Variants in LOC400499 observed in about 807,000 individuals in gnomAD.
the LOC400499 span, among the ~76,000 whole-genome samples, chr16:11,474,014 C>A: frequency 6.6e-6 from 1 of 152,090 alleles, no homozygotes; most frequent in Non-Finnish European, 1.5e-5. Context: ...CCACCATGCC[C>A]GGCTAATTTG....
chr16:11,383,782 A>T, the LOC400499 span: 4 of 1,232,164 alleles, frequency 3.2e-6, no homozygotes, highest in Non-Finnish European at 3.0e-6. Context: ...TGTAGGGTCT[A>T]CCTGAAATCA....
At chr16:11,425,801 C>A in the LOC400499 span, among the ~76,000 whole-genome samples, 2 of 152,282 alleles carry the variant, frequency 1.3e-5, no homozygotes, top group East Asian at 1.9e-4. Context: ...CAATCTCATA[C>A]AAACTCGTTC....
chr16:11,412,603 G>A, the LOC400499 span, among the ~76,000 whole-genome samples: 1 of 152,254 alleles, frequency 6.6e-6, no homozygotes, highest in Non-Finnish European at 1.5e-5. Context: ...TTGGGGCCTT[G>A]GATGCACTTA....
the LOC400499 span, among the ~76,000 whole-genome samples, chr16:11,418,125 G>C: frequency 3.9e-5 from 6 of 152,320 alleles, no homozygotes; most frequent in African/African-American, 1.4e-4. Flanking sequence ...GAAAGACTTT[G>C]GGAAGACCAA....
chr16:11,396,066 G>A, the LOC400499 span, among the ~76,000 whole-genome samples: 17 of 152,332 alleles, frequency 1.1e-4, no homozygotes, highest in East Asian at 3.1e-3. Flanking sequence ...TACTTACGTA[G>A]TGGCTGTTTT....
the LOC400499 span, among the ~76,000 whole-genome samples, chr16:11,415,980 G>C: frequency 5.3e-4 from 79 of 149,850 alleles, no homozygotes; most frequent in Non-Finnish European, 1.0e-3. Flanking sequence ...TTTTGAGACA[G>C]AGTTTCACTC....
chr16:11,374,666 C>T, the LOC400499 span, among the ~76,000 whole-genome samples: 6 of 151,576 alleles, frequency 4.0e-5, no homozygotes, highest in Admixed American at 1.3e-4. Flanking sequence ...GAATTTCCTT[C>T]GTTTTTAAGG....
chr16:11,384,103 G>A, the LOC400499 span: 9 of 1,226,872 alleles, frequency 7.3e-6, no homozygotes, highest in Non-Finnish European at 8.1e-6. Context: ...CAAACCCTGG[G>A]CCTACGAAGT....
chr16:11,514,276 G>A, the LOC400499 span: 1 of 398,846 alleles, frequency 2.5e-6, no homozygotes, highest in South Asian at 1.3e-4. Context: ...CAGAGGAACG[G>A]AACCTGGGCC....
chr16:11,378,253 T>A, the LOC400499 span, among the ~76,000 whole-genome samples: 2 of 126,186 alleles, frequency 1.6e-5, no homozygotes, highest in South Asian at 5.1e-4. Context: ...TTTTTTTTCT[T>A]TTTTTTTTTT....
the LOC400499 span, among the ~76,000 whole-genome samples, chr16:11,386,394 C>G: frequency 1.3e-5 from 2 of 152,242 alleles, no homozygotes; most frequent in African/African-American, 4.8e-5. Flanking sequence ...GAGAAGCCCA[C>G]GGTCACACAC....
the LOC400499 span, among the ~76,000 whole-genome samples, chr16:11,393,170 T>G: frequency 6.6e-6 from 1 of 150,810 alleles, no homozygotes; most frequent in Non-Finnish European, 1.5e-5. Context: ...CCCCCTTTTT[T>G]TTAAGTAGAG....
At chr16:11,514,542 G>T in the LOC400499 span, 12 of 400,064 alleles carry the variant, frequency 3.0e-5, no homozygotes, top group Middle Eastern at 6.2e-4. Flanking sequence ...AGGCCGGGCT[G>T]CGGACCAAGA....
At chr16:11,467,855 C>T in the LOC400499 span, among the ~76,000 whole-genome samples, 4 of 152,250 alleles carry the variant, frequency 2.6e-5, no homozygotes, top group East Asian at 1.9e-4. Flanking sequence ...TGACCTTATT[C>T]GGAAATAGGG....
At chr16:11,496,868 G>C in the LOC400499 span, among the ~76,000 whole-genome samples, 1 of 150,658 alleles carries the variant, frequency 6.6e-6, no homozygotes, top group Non-Finnish European at 1.5e-5. Flanking sequence ...AGGTACGTGA[G>C]TCTTGGCGTG....
the LOC400499 span, chr16:11,516,221 C>G: frequency 5.0e-6 from 2 of 399,622 alleles, no homozygotes; most frequent in Admixed American, 4.4e-5. Context: ...GTTCAGCACC[C>G]AGCGTGGCTC....
the LOC400499 span, among the ~76,000 whole-genome samples, chr16:11,492,053 C>T: frequency 6.6e-6 from 1 of 152,198 alleles, no homozygotes; most frequent in Non-Finnish European, 1.5e-5. Flanking sequence ...TTCCCAGTCT[C>T]TACCAGCCCC....
chr16:11,478,189 G>A, the LOC400499 span, among the ~76,000 whole-genome samples: 94 of 150,962 alleles, frequency 6.2e-4, no homozygotes, highest in African/African-American at 2.2e-3. Flanking sequence ...CACCATGCCT[G>A]GCTAATTTTT....
chr16:11,521,773 A>C, the LOC400499 span, among the ~76,000 whole-genome samples: 1 of 152,066 alleles, frequency 6.6e-6, no homozygotes, highest in African/African-American at 2.4e-5. Context: ...CACCTCTTAC[A>C]ATCAAAATTG....
Sources: allele counts gnomAD v4.1 joint callset (sites outside exome capture counted in the v4.1 genomes callset), GRCh38; gene constraint gnomAD v4.1.1; transcripts MANE v1.5.